Variants in ZNF519 observed in about 807,000 individuals in gnomAD.
The protein encoded by ZNF519 is zinc finger protein 519.
In ZNF519, 7 loss-of-function variants were observed where a neutral mutation model predicts 7.4. The ratio of observed to expected loss-of-function variants is 0.94; its 90% CI spans 0.54 to 1.77. The LOEUF (loss-of-function observed/expected upper bound fraction) is 1.77, where lower values mean the gene tolerates loss of function less well. Ranked by LOEUF, ZNF519 falls within the 40% of genes most tolerant of loss-of-function variation. ZNF519 has a pLI of 0.00. For synonymous variants in ZNF519, 179 were observed against 203.3 expected (o/e 0.88, Z 1.02); for missense variants, 586 against 623.1 (o/e 0.94, Z 0.63).
intron 2 of ZNF519, chr18:14,121,727 C>T (rs942900820): frequency 7.9e-5 from 12 of 151,976 alleles, no homozygotes; most frequent in African/African-American, 2.2e-4. Flanking sequence ...TACACATATA[C>T]GATTTATATA....
chr18:14,080,462 C>T (rs2046066827), intron 3 of ZNF519, among the ~76,000 whole-genome samples: 1 of 151,736 alleles, frequency 6.6e-6, no homozygotes, highest in African/African-American at 2.4e-5. Context: ...GCTGGAACTA[C>T]AGGCACACGC....
chr18:14,094,362 C>G (rs911316688), intron 2 of ZNF519, among the ~76,000 whole-genome samples: 1 of 152,158 alleles, frequency 6.6e-6, no homozygotes, highest in Non-Finnish European at 1.5e-5. Flanking sequence ...CTGCCTTGTT[C>G]CAGATCTTTT....
At position 14,105,996 on chromosome 18, in the gene ZNF519, T is replaced by G. The variant is rs1159235758; in HGVS notation, c.544A>C (p.Asn182His). 1.3e-6 allele frequency: 2 copies of G among 1,580,902 alleles called. No individual in the cohort carries two copies. Among genetic ancestry groups the G allele is most frequent in the East Asian group, 4.5e-5 (2 of 44,606 alleles). The change falls in exon 3 of 3, where the codon AAT (asparagine) becomes CAT (histidine). Residue 182 changes from asparagine (N) to histidine (H), a missense_variant. Asn to His is a moderately conservative substitution (Grantham distance 68). Transcript: ENST00000590202. ...AATACTTTTTCACATTCATTACAAT[T>G]GTAATAGTTTTCTAGAAAATGAGTA... ...HSTHFLENYY[N>H]CNECEKVFYQ...
chr18:14,087,982 T>C (rs565617100), intron 2 of ZNF519, among the ~76,000 whole-genome samples: 1 of 152,136 alleles, frequency 6.6e-6, no homozygotes, highest in East Asian at 1.9e-4. Context: ...AATGGAACTA[T>C]GTAGAGAGAG....
At chr18:14,127,754 A>T (rs976055768) in intron 1 of ZNF519, among the ~76,000 whole-genome samples, 1 of 152,122 alleles carries the variant, frequency 6.6e-6, no homozygotes, top group African/African-American at 2.4e-5. Flanking sequence ...TGCTGTCCTG[A>T]AAAGTTATTT....
downstream of ZNF519, among the ~76,000 whole-genome samples, chr18:14,097,102 C>T (rs2046139926): frequency 1.3e-5 from 2 of 152,148 alleles, no homozygotes; most frequent in Non-Finnish European, 2.9e-5. Flanking sequence ...AGTGTGTGCT[C>T]CTGGAGTCTC....
In ZNF519 at chr18:14,103,122, T is replaced by G. The variant is rs1466890173; in HGVS notation, c.*1795A>C. The G allele has an allele frequency of 6.6e-6, 1 of 152,110 alleles. No individual in the cohort carries two copies. Among genetic ancestry groups the G allele is most frequent in the African/African-American group, 2.4e-5 (1 of 41,434 alleles). 9.4% of individuals were successfully genotyped at this position (152,110 alleles called of 1,614,324 possible). On this transcript the variant is annotated 3_prime_UTR_variant, in exon 3 of 3. Transcript: ENST00000590202. ...TGGAGTTTATCAGAAGTATAGAAAC[T>G]TCTATACTCCAATGTAAATAATGGG...
chr18:14,129,834 CA>C (rs1278579615), intron 1 of ZNF519, among the ~76,000 whole-genome samples: 2 of 152,096 alleles, frequency 1.3e-5, no homozygotes. Context: ...TTCCCCTCCT[CA>C]AGCTCAATAA....
Position 14,105,643 on chromosome 18 carries a change from T to G in ZNF519, c.897A>C (p.Lys299Asn). 3 of 1,613,496 alleles carry G rather than the reference T, an allele frequency of 1.9e-6. No homozygotes were observed. The highest frequency in any genetic ancestry group is 2.5e-6 in the Non-Finnish European group (3 of 1,179,882). ...EKPYKCKKCD[K>N]AFNKSSHLAQ... ...CAAGGTGTGAACTCTTGTTAAAGGC[T>G]TTGTCACATTTTTTACATTTGTAAG... The change falls in exon 3 of 3, where the codon AAA (lysine) becomes AAC (asparagine). Residue 299 changes from lysine (K) to asparagine (N), a missense_variant. By Grantham distance (94) the Lys-to-Asn change is moderately conservative. Coordinates refer to ENST00000590202, the MANE Select transcript of ZNF519 (RefSeq NM_145287.4).
intron 1 of ZNF519, among the ~76,000 whole-genome samples, 158 bp from the exon 2 acceptor site, chr18:14,124,634 A>G (rs1419785449): frequency 1.3e-5 from 2 of 152,134 alleles, no homozygotes; most frequent in African/African-American, 4.8e-5. Flanking sequence ...CTCTGAGGGA[A>G]AAGGATGCCA....
chr18:14,096,132 C>T (rs550158386), downstream of ZNF519, among the ~76,000 whole-genome samples: 2 of 152,312 alleles, frequency 1.3e-5, no homozygotes, highest in African/African-American at 4.8e-5. Flanking sequence ...TGGGTTTTGC[C>T]ATGATGGGCC....
chr18:14,087,731 CACTT>C, intron 2 of ZNF519, among the ~76,000 whole-genome samples: 1 of 152,298 alleles, frequency 6.6e-6, no homozygotes, highest in South Asian at 2.1e-4. Context: ...TTATGTACAT[CACTT>C]ACTGATGTGC....
At chr18:14,088,416 T>C (rs1408942363) in intron 2 of ZNF519, among the ~76,000 whole-genome samples, 1 of 152,194 alleles carries the variant, frequency 6.6e-6, no homozygotes, top group African/African-American at 2.4e-5. Context: ...GATTTCACTT[T>C]ACCATCATAT....
downstream of ZNF519, among the ~76,000 whole-genome samples, chr18:14,097,471 A>T (rs2046141439): frequency 6.6e-6 from 1 of 152,182 alleles, no homozygotes; most frequent in African/African-American, 2.4e-5. Context: ...GTATGACCTC[A>T]AGTCCTCATG....
At chr18:14,131,459 C>G (rs931465502) in intron 1 of ZNF519, among the ~76,000 whole-genome samples, 1 of 152,184 alleles carries the variant, frequency 6.6e-6, no homozygotes, top group Non-Finnish European at 1.5e-5. Context: ...CCAGGTTAGG[C>G]TGGCAGAACA....
chr18:14,105,814 T>A lies in ZNF519; in HGVS notation c.726A>T (p.Lys242Asn). 1 of 1,602,728 alleles carries A rather than the reference T, an allele frequency of 6.2e-7. No individual in the cohort carries two copies. Among genetic ancestry groups the A allele is most frequent in the Non-Finnish European group, 8.5e-7 (1 of 1,176,724 alleles). ...IGESSQRCNKKCIIVFSQSHL... is the reference protein window; with the variant it reads ...IGESSQRCNKNCIIVFSQSHL... ...GTGATTGACTAAAGACTATTATACA[T>A]TTTTTATTACATCTTTGTGAGCTCT... The change falls in exon 3 of 3, where the codon AAA (lysine) becomes AAT (asparagine). Residue 242 changes from lysine (K) to asparagine (N), a missense_variant. By Grantham distance (94) the Lys-to-Asn change is moderately conservative. Transcript: ENST00000590202.
chr18:14,106,087 T>C lies in ZNF519; in HGVS notation c.453A>G (p.Lys151=). The C allele has an allele frequency of 6.2e-7, 1 of 1,605,472 alleles. No homozygotes were observed. The highest frequency in any genetic ancestry group is 1.1e-5 in the South Asian group (1 of 89,052). ...PMNKYQHKFL[K]SVFCNKNQIN... ...TCTGATTTTTATTACAAAAGACAGA[T>C]TTCAAAAATTTATGTTGATATTTAT... The change falls in exon 3 of 3, where the codon AAA becomes AAG. Residue 151 remains lysine (K), a synonymous_variant. Transcript: ENST00000590202.
intron 2 of ZNF519, among the ~76,000 whole-genome samples, chr18:14,119,513 T>C (rs2046260689): frequency 6.6e-6 from 1 of 152,256 alleles, no homozygotes; most frequent in Non-Finnish European, 1.5e-5. Flanking sequence ...TGTTACTGTT[T>C]GTAGATGATA....
intron 1 of ZNF519, among the ~76,000 whole-genome samples, chr18:14,126,203 G>A (rs1567956107): frequency 6.6e-6 from 1 of 152,092 alleles, no homozygotes; most frequent in African/African-American, 2.4e-5. Context: ...GCAGGGTTGG[G>A]ACAGATCTCC....
Sources: allele counts gnomAD v4.1 joint callset (sites outside exome capture counted in the v4.1 genomes callset), GRCh38; gene constraint gnomAD v4.1.1; transcripts MANE v1.5; gene names NCBI Gene and HGNC (gene_info 2026-07-23, HGNC 2026-07-21).